Variants in TMTC2 observed in about 807,000 individuals in gnomAD.
TMTC2 encodes transmembrane O-mannosyltransferase targeting cadherins 2.
A neutral mutation model predicts 82.4 loss-of-function variants in TMTC2; 43 were observed. That is an observed-to-expected ratio of 0.52 (90% CI 0.41 to 0.67). The LOEUF (loss-of-function observed/expected upper bound fraction) is 0.67. Ranked by LOEUF, TMTC2 falls within the 30% of genes least tolerant of loss-of-function variation. The pLI, the probability that TMTC2 is intolerant of heterozygous loss-of-function variation, is 0.00. For synonymous variants in TMTC2, 408 were observed against 381.9 expected, an observed-to-expected ratio of 1.07 and a Z score of -0.80; for missense variants, 919 against 1,012.4, an observed-to-expected ratio of 0.91 and a Z score of 1.25.
chr12:83,076,708 G>T (rs1883293527), intron 11 of TMTC2, among the ~76,000 whole-genome samples: 1 of 152,162 alleles, frequency 6.6e-6, no homozygotes, highest in Non-Finnish European at 1.5e-5. Context: ...AGGTATTTAT[G>T]CTTTTCTAAA....
At chr12:82,753,326 C>CT (rs541318020) in intron 1 of TMTC2, among the ~76,000 whole-genome samples, 4,989 of 129,484 alleles carry the variant, frequency 0.039, 242 homozygotes, top group African/African-American at 0.11. Context: ...AACATAATGG[C>CT]TTTTTTTTTT....
At chr12:82,768,136 A>G (rs957586949) in intron 1 of TMTC2, among the ~76,000 whole-genome samples, 1 of 152,212 alleles carries the variant, frequency 6.6e-6, no homozygotes, top group Admixed American at 6.5e-5. Context: ...GCTAATTGAT[A>G]GAAACCAACA....
At chr12:83,105,157 C>G (rs148350884) in intron 11 of TMTC2, among the ~76,000 whole-genome samples, 563 of 152,296 alleles carry the variant, frequency 3.7e-3, no homozygotes, top group African/African-American at 0.013. Context: ...GTCCGTATTA[C>G]CATCAGCACT....
intron 1 of TMTC2, among the ~76,000 whole-genome samples, chr12:82,740,673 C>T (rs1875355420): frequency 6.6e-6 from 1 of 152,156 alleles, no homozygotes; most frequent in Non-Finnish European, 1.5e-5. Flanking sequence ...ACAGTTTCCC[C>T]TCAGCCCTTG....
intron 11 of TMTC2, among the ~76,000 whole-genome samples, chr12:83,117,786 G>C (rs1157101330): frequency 6.6e-6 from 1 of 152,118 alleles, no homozygotes. Flanking sequence ...CCATCCATGA[G>C]CATGAGACGT....
chr12:82,947,421 C>T (rs1592648825), intron 4 of TMTC2, among the ~76,000 whole-genome samples: 3 of 151,132 alleles, frequency 2.0e-5, no homozygotes, highest in Middle Eastern at 6.8e-3. Flanking sequence ...CGGCTCACTG[C>T]AAGCTCCGCC....
intron 3 of TMTC2, among the ~76,000 whole-genome samples, chr12:82,902,631 C>T (rs1874079516): frequency 6.6e-6 from 1 of 152,174 alleles, no homozygotes; most frequent in African/African-American, 2.4e-5. Flanking sequence ...TTTGGAAACA[C>T]AAGTCAGGGC....
chr12:82,848,459 C>G (rs1332449706), intron 1 of TMTC2, among the ~76,000 whole-genome samples: 1 of 152,118 alleles, frequency 6.6e-6, no homozygotes, highest in Non-Finnish European at 1.5e-5. Context: ...TATCATACTA[C>G]AGGGAAACTC....
intron 1 of TMTC2, among the ~76,000 whole-genome samples, chr12:82,798,813 A>AAAAAG (rs1268105857): frequency 5.3e-5 from 8 of 151,918 alleles, no homozygotes; most frequent in Admixed American, 2.0e-4. Context: ...GTCTCAAAAA[A>AAAAAG]AAAAAAAAAA....
intron 2 of TMTC2, among the ~76,000 whole-genome samples, chr12:82,858,312 T>C (rs568939076): frequency 9.8e-5 from 15 of 152,324 alleles, no homozygotes; most frequent in African/African-American, 3.1e-4. Flanking sequence ...AGGAGAGGCA[T>C]TGAGCGGACG....
intron 8 of TMTC2, among the ~76,000 whole-genome samples, chr12:83,015,825 T>TA (rs1880653127): frequency 6.6e-6 from 1 of 152,228 alleles, no homozygotes; most frequent in South Asian, 2.1e-4. Flanking sequence ...AGTCCGGCGA[T>TA]ACGCTTGTCG....
chr12:82,851,425 A>G (rs1870970983), intron 1 of TMTC2, among the ~76,000 whole-genome samples: 1 of 152,186 alleles, frequency 6.6e-6, no homozygotes, highest in Non-Finnish European at 1.5e-5. Flanking sequence ...CCAAAACAAC[A>G]ACAAAAAATT....
intron 1 of TMTC2, among the ~76,000 whole-genome samples, chr12:82,737,215 T>A (rs150020722): frequency 1.3e-5 from 2 of 152,222 alleles, no homozygotes; most frequent in Non-Finnish European, 2.9e-5. Context: ...CTTCAAACTT[T>A]CATCACATTG....
At chr12:82,997,354 A>ATATATATATGTGTATATATATATGTG (rs1565845040) in intron 8 of TMTC2, among the ~76,000 whole-genome samples, 2 of 28,908 alleles carry the variant, frequency 6.9e-5, no homozygotes, top group African/African-American at 2.1e-4. Context: ...GTGTGTATAT[A>ATATATATATGTGTATATATATATGTG]TATATATATA....
At chr12:82,970,998 A>T (rs1202390930) in intron 7 of TMTC2, among the ~76,000 whole-genome samples, 1 of 152,096 alleles carries the variant, frequency 6.6e-6, no homozygotes, top group Non-Finnish European at 1.5e-5. Flanking sequence ...AACCAAAATT[A>T]TTCTGTATTC....
chr12:82,748,905 C>T (rs565080068), intron 1 of TMTC2, among the ~76,000 whole-genome samples: 1 of 152,174 alleles, frequency 6.6e-6, no homozygotes, highest in South Asian at 2.1e-4. Flanking sequence ...TACACACACA[C>T]GTATGTATGT....
At chr12:82,919,525 G>A (rs954419410) in intron 3 of TMTC2, among the ~76,000 whole-genome samples, 7 of 152,060 alleles carry the variant, frequency 4.6e-5, no homozygotes, top group African/African-American at 7.2e-5. Context: ...GTCCAGAGTC[G>A]TATCTAAATG....
chr12:82,714,409 C>G (rs1458858778), intron 1 of TMTC2, among the ~76,000 whole-genome samples: 1 of 152,160 alleles, frequency 6.6e-6, no homozygotes, highest in East Asian at 1.9e-4. Flanking sequence ...GAAAAATGCT[C>G]TTAAATGTAG....
At chr12:82,739,977 G>T (rs1007348715) in intron 1 of TMTC2, among the ~76,000 whole-genome samples, 1 of 151,936 alleles carries the variant, frequency 6.6e-6, no homozygotes, top group South Asian at 2.1e-4. Context: ...AAATTGCTTT[G>T]CAAACCATAC....
Sources: gnomAD v4.1 joint callset for allele counts (sites outside exome capture counted in the v4.1 genomes callset) on GRCh38, gnomAD v4.1.1 for gene constraint, MANE v1.5 for transcripts, NCBI Gene and HGNC (gene_info 2026-07-23, HGNC 2026-07-21) for gene names.